The following MCU variants were observed in gnomAD, a reference collection of about 807,000 sequenced individuals.
MCU encodes the protein calcium uniporter protein, mitochondrial.
A neutral mutation model predicts 45.2 loss-of-function variants in MCU; 12 were observed. That is an observed-to-expected ratio of 0.27 (90% CI 0.17 to 0.43). MCU has a LOEUF of 0.43. MCU is among the 20% of genes least tolerant of loss of function. The pLI is 1.00. For missense variants in MCU, 324 were observed against 436.7 expected, an observed-to-expected ratio of 0.74 and a Z score of 2.30; for synonymous variants, 160 against 165.1, an observed-to-expected ratio of 0.97 and a Z score of 0.24.
At chr10:72,719,201 A>G (rs912598415) in intron 1 of MCU, among the ~76,000 whole-genome samples, 11 of 152,368 alleles carry the variant, frequency 7.2e-5, no homozygotes, top group African/African-American at 2.4e-4. Flanking sequence ...TTTAAAGGAT[A>G]TGTAGAGAAC....
intron 1 of MCU, among the ~76,000 whole-genome samples, chr10:72,786,952 T>C (rs1160054695): frequency 6.6e-6 from 1 of 152,056 alleles, no homozygotes; most frequent in Admixed American, 6.5e-5. Context: ...AATCCTTACA[T>C]CCCCAATGTC....
intron 1 of MCU, among the ~76,000 whole-genome samples, chr10:72,801,888 G>A (rs1186854459): frequency 6.6e-6 from 1 of 151,852 alleles, no homozygotes; most frequent in African/African-American, 2.4e-5. Context: ...GCCCTGGTTT[G>A]TCTTGAACTC....
At chr10:72,871,046 T>C (rs1405877568) in intron 5 of MCU, among the ~76,000 whole-genome samples, 1 of 152,102 alleles carries the variant, frequency 6.6e-6, no homozygotes, top group Admixed American at 6.6e-5. Context: ...ACTACAGGGA[T>C]GTGCCACCAT....
At chr10:72,827,398 T>A (rs1490811954) in intron 1 of MCU, among the ~76,000 whole-genome samples, 2 of 152,188 alleles carry the variant, frequency 1.3e-5, no homozygotes, top group Non-Finnish European at 2.9e-5. Context: ...TATGGAGAAA[T>A]TTGTATTCTG....
intron 1 of MCU, among the ~76,000 whole-genome samples, chr10:72,714,345 C>CGTTTTTTTTTTTTTTTTTTT (rs1842931727): frequency 5.5e-5 from 3 of 54,768 alleles, no homozygotes; most frequent in Non-Finnish European, 7.9e-5. Context: ...CCGCCCTGGT[C>CGTTTTTTTTTTTTTTTTTTT]TTTTTTTTTT....
chr10:72,739,245 T>G (rs1016187858), intron 1 of MCU, among the ~76,000 whole-genome samples: 2 of 152,248 alleles, frequency 1.3e-5, no homozygotes, highest in African/African-American at 4.8e-5. Context: ...ATGACCAGTT[T>G]ACATTACTGT....
chr10:72,761,877 C>T (rs1843661264), intron 1 of MCU, among the ~76,000 whole-genome samples: 1 of 152,116 alleles, frequency 6.6e-6, no homozygotes, highest in Admixed American at 6.5e-5. Flanking sequence ...CATTATATCA[C>T]TCTGTATGCC....
At chr10:72,784,780 G>C (rs571155904) in intron 1 of MCU, among the ~76,000 whole-genome samples, 1 of 152,308 alleles carries the variant, frequency 6.6e-6, no homozygotes, top group Admixed American at 6.5e-5. Flanking sequence ...GTAAGTTGCA[G>C]AGCAGCTTTG....
Position 72,868,686 on chromosome 10 carries a change from T to C in MCU, c.497-17T>C. 6.2e-7 allele frequency: 1 copy of C among 1,610,258 alleles called. No homozygotes were observed. Among genetic ancestry groups the C allele is most frequent in the Non-Finnish European group, 8.5e-7 (1 of 1,178,708 alleles). On this transcript the variant is annotated splice_polypyrimidine_tract_variant and intron_variant, in intron 4 of 7. Transcript: ENST00000373053. ...TTTAAGGCATACATTTTTTAAAAAATGTAACTTTTGTTTCAGACCTCTTAA... is the reference window on the plus strand; with the variant it reads ...TTTAAGGCATACATTTTTTAAAAAACGTAACTTTTGTTTCAGACCTCTTAA...
intron 1 of MCU, among the ~76,000 whole-genome samples, chr10:72,815,468 A>G (rs1844611532): frequency 6.6e-6 from 1 of 152,228 alleles, no homozygotes; most frequent in Non-Finnish European, 1.5e-5. Flanking sequence ...TGGTGAAAAT[A>G]TGGAACTTAA....
At chr10:72,782,412 C>T (rs1844008565) in intron 1 of MCU, among the ~76,000 whole-genome samples, 1 of 152,152 alleles carries the variant, frequency 6.6e-6, no homozygotes, top group African/African-American at 2.4e-5. Flanking sequence ...CTCTTGTCAC[C>T]TGGGCTGGGG....
intron 1 of MCU, among the ~76,000 whole-genome samples, chr10:72,761,756 T>C (rs1487669607): frequency 1.3e-5 from 2 of 152,124 alleles, no homozygotes; most frequent in African/African-American, 4.8e-5. Flanking sequence ...ATAGATGAAG[T>C]ATATAGTGGT....
intron 3 of MCU, 76 bp downstream of exon 3, chr10:72,859,423 C>G: frequency 7.4e-7 from 1 of 1,348,094 alleles, no homozygotes; most frequent in Non-Finnish European, 1.0e-6. Flanking sequence ...ATACATACAC[C>G]ACACACGTAG....
rs34146931 is a variant in MCU at position 72,760,048 on chromosome 10, ATT to A, written c.150+67760_150+67761del. Among the ~76,000 whole-genome samples the A allele has an allele frequency of 7.6e-3, 1,118 of 146,792 alleles. 18 individuals are homozygous for A. Among genetic ancestry groups the A allele is most frequent in the African/African-American group, 0.026 (1,030 of 39,760 alleles). ...ATTTTTAAATTCTGTAAAACTTTAA[ATT>A]TTTTTTTTTTTTGAGACAGAGTCTA... is the stretch of plus-strand genomic sequence containing the variant. On this transcript the variant is annotated intron_variant, in intron 1 of 7. Transcript: ENST00000373053.
intron 2 of MCU, among the ~76,000 whole-genome samples, chr10:72,837,629 T>C (rs1186383379): frequency 2.6e-5 from 4 of 152,198 alleles, no homozygotes; most frequent in Admixed American, 2.6e-4. Context: ...GGTCTTAGAC[T>C]TCTCATTTTA....
intron 1 of MCU, among the ~76,000 whole-genome samples, chr10:72,831,467 TATAAC>T (rs1224493071): frequency 6.6e-6 from 1 of 152,202 alleles, no homozygotes; most frequent in Non-Finnish European, 1.5e-5. Flanking sequence ...AAATTATAGT[TATAAC>T]ATAAACTATA....
intron 1 of MCU, among the ~76,000 whole-genome samples, chr10:72,765,243 T>G (rs549621815): frequency 6.6e-6 from 1 of 152,178 alleles, no homozygotes; most frequent in Non-Finnish European, 1.5e-5. Flanking sequence ...AGAAATGTAT[T>G]AATTAAAATA....
chr10:72,730,683 G>A (rs1843161491), intron 1 of MCU: 4 of 152,128 alleles, frequency 2.6e-5, no homozygotes, highest in Admixed American at 2.6e-4. Context: ...TGACCTCTTT[G>A]TCCAAAATAT....
rs549069474 is a variant in MCU, at chr10:72,797,324, A to G, written c.151-37035A>G. ...CTGCAACCTCCATCTCCTGGGTTCA[A>G]GCGATTCTCCTGCCTCAGCCTCCTG... On this transcript the variant is annotated intron_variant, in intron 1 of 7. Coordinates refer to ENST00000373053, the MANE Select transcript of MCU (RefSeq NM_138357.3). Among the ~76,000 whole-genome samples, 4 of 151,476 alleles carry G rather than the reference A, an allele frequency of 2.6e-5. No homozygotes were observed. The East Asian group carries it at 7.8e-4, about 29-fold the overall frequency.
Sources: gnomAD v4.1 joint callset for allele counts (sites outside exome capture counted in the v4.1 genomes callset) on GRCh38, gnomAD v4.1.1 for gene constraint, MANE v1.5 for transcripts, NCBI Gene and HGNC (gene_info 2026-07-23, HGNC 2026-07-21) for gene names.